The following TMEM273 variants were observed in gnomAD, a reference collection of about 807,000 sequenced individuals.
The protein encoded by TMEM273 is transmembrane protein 273.
A neutral mutation model predicts 17.9 loss-of-function variants in TMEM273; 19 were observed. The observed-to-expected ratio is 1.06, with a 90% CI of 0.74 to 1.55. The LOEUF (loss-of-function observed/expected upper bound fraction) is 1.55, where lower values mean the gene tolerates loss of function less well. Ranked by LOEUF, TMEM273 falls within the 40% of genes most tolerant of loss-of-function variation. The probability of loss-of-function intolerance (pLI) is 0.00; values close to 1 mark genes in which losing one functional copy is unlikely to be tolerated. For missense variants in TMEM273, 194 were observed against 155.6 expected, an observed-to-expected ratio of 1.25 and a Z score of -1.31; for synonymous variants, 66 against 62.0, an observed-to-expected ratio of 1.07 and a Z score of -0.31.
intron 1 of TMEM273, among the ~76,000 whole-genome samples, chr10:49,168,577 G>A (rs1040609565): frequency 2.1e-4 from 32 of 151,958 alleles, no homozygotes; most frequent in East Asian, 1.9e-4. Context: ...GGCTGGTCTC[G>A]CTCTGGGCTG....
intron 1 of TMEM273, among the ~76,000 whole-genome samples, chr10:49,186,189 C>G (rs1247519715): frequency 2.0e-5 from 3 of 152,092 alleles, no homozygotes; most frequent in Admixed American, 6.5e-5. Context: ...CTGTAACTAT[C>G]ACTTCATCAC....
chr10:49,178,218 T>C (rs1009366191), intron 1 of TMEM273: 25 of 457,244 alleles, frequency 5.5e-5, no homozygotes, highest in Non-Finnish European at 1.1e-4. Flanking sequence ...ACAACCCCTG[T>C]AGTCCATGCT....
At chr10:49,160,013 G>C (rs1388227241) in intron 6 of TMEM273, among the ~76,000 whole-genome samples, 1 of 152,152 alleles carries the variant, frequency 6.6e-6, no homozygotes, top group Non-Finnish European at 1.5e-5. Flanking sequence ...GGAGAAAGGG[G>C]AGATAGAATA....
At position 49,167,937 on chromosome 10, in the gene TMEM273, T is replaced by A. The variant is rs746346207; in HGVS notation, c.69A>T (p.Ala23=). Residue 23 remains alanine, a synonymous_variant, in exon 2 of 7, where the codon GCA becomes GCT. Coordinates refer to ENST00000374153, the MANE Select transcript of TMEM273 (RefSeq NM_001288740.3). ...LLDVGGAQVL[A]TGKTPGAEID... The stretch of plus-strand genomic sequence containing the variant: ...TTTCAGCCCCAGGGGTCTTGCCTGT[T>A]GCCAGCACTTGAGCTCCTCCTACAT... The A allele has an allele frequency of 1.9e-6, 3 of 1,614,070 alleles. No homozygotes were observed. Among genetic ancestry groups the A allele is most frequent in the Non-Finnish European group, 2.5e-6 (3 of 1,180,018 alleles).
At chr10:49,165,061 C>T (rs1470063428) in intron 5 of TMEM273, 144 bp downstream of exon 5, 34 of 1,205,132 alleles carry the variant, frequency 2.8e-5, no homozygotes, top group Middle Eastern at 4.2e-4. Flanking sequence ...CCTACCCGCC[C>T]GGAGCTTACA....
chr10:49,156,205 T>C (rs1169059152), intron 6 of TMEM273: 3 of 1,434,578 alleles, frequency 2.1e-6, no homozygotes, highest in Non-Finnish European at 1.9e-6. Context: ...TAGGCATATT[T>C]TGGGAAACTT....
intron 1 of TMEM273, chr10:49,178,480 T>C (rs1222931658): frequency 1.7e-5 from 6 of 345,832 alleles, no homozygotes; most frequent in Non-Finnish European, 3.5e-5. Context: ...CATCATCCCA[T>C]GCAAAACAGA....
At chr10:49,172,014 T>C (rs1846606781) in intron 1 of TMEM273, among the ~76,000 whole-genome samples, 1 of 152,314 alleles carries the variant, frequency 6.6e-6, no homozygotes, top group South Asian at 2.1e-4. Context: ...GTTCTATAAG[T>C]ATTTGAACTA....
chr10:49,188,382 C>A lies in TMEM273; in HGVS notation c.-46G>T, dbSNP rs1203891827. 1.9e-6 allele frequency: 3 copies of A among 1,613,780 alleles called. No homozygotes were observed. The Middle Eastern group carries it at 5.0e-4, about 267-fold the overall frequency. On this transcript the variant is annotated 5_prime_UTR_variant, in exon 1 of 7. Coordinates refer to ENST00000374153, the MANE Select transcript of TMEM273 (RefSeq NM_001288740.3). ...TCCTGGCTCCTGGCTGCTGGCAGCG[C>A]AGGCACAATGAGCCATGTGACCCAA...
intron 6 of TMEM273, chr10:49,160,555 A>G (rs981399091): frequency 2.6e-5 from 4 of 152,360 alleles, no homozygotes; most frequent in African/African-American, 9.6e-5. Context: ...ATTGGAAAAT[A>G]GCACAATAAA....
intron 3 of TMEM273, chr10:49,166,665 C>G (rs765603011): frequency 6.0e-6 from 4 of 665,892 alleles, no homozygotes; most frequent in Non-Finnish European, 1.0e-5. Flanking sequence ...AATAGAGAGA[C>G]AGAGAGAGAT....
At position 49,156,235 on chromosome 10, in the gene TMEM273, G is replaced by A. The variant is rs141976510; in HGVS notation, c.373-326C>T. On this transcript the variant is annotated intron_variant, in intron 6 of 6. Transcript: ENST00000374153. ...AAACTTTTCACTTTCTGTAGTTGGT[G>A]AATTTGCACAGATCTGGCCAGATGC... 3.9e-4 allele frequency: 542 copies of A among 1,376,030 alleles called. 7 individuals carry two copies. In the African/African-American group the frequency reaches 7.2e-3, roughly 18 times the overall value. The allele number at this position is 1,376,030 out of a possible 1,614,324, so 85.2% of individuals were successfully genotyped here. A position where few individuals can be genotyped will look rare whatever the true frequency, so the allele number is the denominator to read the frequency against.
chr10:49,174,980 G>T lies in TMEM273; in HGVS notation c.44-7018C>A, dbSNP rs909893709. ...AAGGCGGGCACCTAACCCAGCCTGG[G>T]AGTGTCACAGAAGCTCCCCCGGAGA... On this transcript the variant is annotated intron_variant, in intron 1 of 6. Coordinates refer to ENST00000374153, the MANE Select transcript of TMEM273 (RefSeq NM_001288740.3). Among the ~76,000 whole-genome samples the T allele has an allele frequency of 1.3e-5, 2 of 152,042 alleles. 1 individual carries two copies. Among genetic ancestry groups the T allele is most frequent in the Admixed American group, 1.3e-4 (2 of 15,262 alleles).
chr10:49,182,075 C>T (rs1010319878), intron 1 of TMEM273, among the ~76,000 whole-genome samples: 5 of 152,222 alleles, frequency 3.3e-5, no homozygotes, highest in African/African-American at 1.2e-4. Flanking sequence ...TATCTCTTGC[C>T]TACCTGAGGT....
In TMEM273 at chr10:49,155,034, G is replaced by C. The variant is rs546605959; in HGVS notation, c.*858C>G. 1 of 152,230 alleles carries C rather than the reference G, an allele frequency of 6.6e-6. No individual in the cohort carries two copies. Among genetic ancestry groups the C allele is most frequent in the Non-Finnish European group, 1.5e-5 (1 of 68,052 alleles). The allele number at this position is 152,230 out of a possible 1,614,324, so 9.4% of individuals were successfully genotyped here. On this transcript the variant is annotated 3_prime_UTR_variant, in exon 7 of 7. Coordinates refer to ENST00000374153, the MANE Select transcript of TMEM273 (RefSeq NM_001288740.3). ...GAAATACAGGGTTAATATTACAAGG[G>C]AGAGAAATGCTCACGGGGCCTTAGC...
At chr10:49,182,311 G>C (rs1376416580) in intron 1 of TMEM273, among the ~76,000 whole-genome samples, 1 of 152,162 alleles carries the variant, frequency 6.6e-6, no homozygotes, top group Non-Finnish European at 1.5e-5. Context: ...CAGGGACTCA[G>C]ACCCAAGGAA....
chr10:49,175,919 C>G (rs984758191), intron 1 of TMEM273, among the ~76,000 whole-genome samples: 4 of 152,174 alleles, frequency 2.6e-5, no homozygotes, highest in East Asian at 3.9e-4. Flanking sequence ...CCCAGCCGAC[C>G]CTACTCACTG....
chr10:49,181,501 C>A lies in TMEM273; in HGVS notation c.43+6793G>T, dbSNP rs371826473. ...AGAAATCAAGACTGTGTGGGATTGG[C>A]AGAAGGACAGACACATCAGTGGAAA... On this transcript the variant is annotated intron_variant, in intron 1 of 6. Coordinates refer to ENST00000374153, the MANE Select transcript of TMEM273 (RefSeq NM_001288740.3). 8.5e-4 allele frequency among the ~76,000 whole-genome samples: 130 copies of A among 152,246 alleles called. 3 individuals are homozygous for A. The highest frequency in any genetic ancestry group is 2.9e-3 in the African/African-American group (122 of 41,528).
chr10:49,177,825 C>G (rs1038919730), intron 1 of TMEM273, among the ~76,000 whole-genome samples: 10 of 110,620 alleles, frequency 9.0e-5, no homozygotes, highest in Admixed American at 3.7e-4. Context: ...CTGTCCAACA[C>G]TGTCTGCCAG....
Sources: gnomAD v4.1 joint callset for allele counts (sites outside exome capture counted in the v4.1 genomes callset) on GRCh38, gnomAD v4.1.1 for gene constraint, MANE v1.5 for transcripts, NCBI Gene and HGNC (gene_info 2026-07-23, HGNC 2026-07-21) for gene names.